The following HPSE2 variants were observed in gnomAD, a reference collection of about 807,000 sequenced individuals.
The protein encoded by HPSE2 is inactive heparanase-2.
HPSE2 carries 38 observed loss-of-function variants against 60.5 expected under a neutral mutation model. The observed-to-expected ratio is 0.63, with a 90% CI of 0.48 to 0.82. The LOEUF (loss-of-function observed/expected upper bound fraction) is 0.82, where lower values mean the gene tolerates loss of function less well. Among genes scored for constraint, HPSE2 ranks in the 40% least tolerant of loss-of-function variants. HPSE2 has a pLI of 0.00. For synonymous variants in HPSE2, 295 were observed against 293.2 expected (o/e 1.01, Z -0.06); for missense variants, 713 against 740.4 (o/e 0.96, Z 0.43).
At chr10:99,059,501 G>C (rs968011304) in intron 3 of HPSE2, among the ~76,000 whole-genome samples, 9 of 151,936 alleles carry the variant, frequency 5.9e-5, no homozygotes, top group African/African-American at 1.9e-4. Flanking sequence ...GGTGATCATG[G>C]GCATTTTCAA....
chr10:98,603,394 G>A (rs1218243608), intron 9 of HPSE2, among the ~76,000 whole-genome samples: 1 of 151,756 alleles, frequency 6.6e-6, no homozygotes, highest in Non-Finnish European at 1.5e-5. Flanking sequence ...TAGGGGTAAG[G>A]GGAAAGGAAC....
At chr10:99,173,868 G>C (rs1284533830) in intron 2 of HPSE2, among the ~76,000 whole-genome samples, 1 of 149,180 alleles carries the variant, frequency 6.7e-6, no homozygotes, top group Non-Finnish European at 1.5e-5. Flanking sequence ...GCTTGAACTC[G>C]TGAGGCAGAG....
rs538986216 is a variant in HPSE2 at position 99,232,958 on chromosome 10, G to C, written c.291-453C>G. ...GCCAAAAACTTGTATGCTGAAAGCC[G>C]GCATTGCCTCCGCAGCCCCAGGGGC... is the stretch of plus-strand genomic sequence containing the variant. On this transcript the variant is annotated intron_variant, in intron 1 of 11. Transcript: ENST00000370552. Among the ~76,000 whole-genome samples, 153 of 152,384 alleles carry C rather than the reference G, an allele frequency of 1.0e-3. 1 individual carries two copies. Among genetic ancestry groups the C allele is most frequent in the African/African-American group, 3.6e-3 (150 of 41,598 alleles).
At chr10:99,159,193 A>G (rs566705214) in intron 2 of HPSE2, among the ~76,000 whole-genome samples, 1 of 152,304 alleles carries the variant, frequency 6.6e-6, no homozygotes, top group Admixed American at 6.5e-5. Flanking sequence ...AGAAAACAAA[A>G]AGATAAGTCA....
intron 9 of HPSE2, among the ~76,000 whole-genome samples, chr10:98,600,518 G>A (rs1039724946): frequency 1.4e-4 from 21 of 151,960 alleles, no homozygotes; most frequent in African/African-American, 5.1e-4. Context: ...TGTGTCTGAG[G>A]AGTATAGAGA....
chr10:98,530,722 A>G (rs1235270828), intron 9 of HPSE2, among the ~76,000 whole-genome samples: 4 of 152,198 alleles, frequency 2.6e-5, no homozygotes, highest in Non-Finnish European at 4.4e-5. Context: ...GTGTATACAC[A>G]GCATCCACAG....
chr10:99,215,025 T>G (rs1849072896), intron 2 of HPSE2, among the ~76,000 whole-genome samples: 2 of 152,134 alleles, frequency 1.3e-5, no homozygotes, highest in East Asian at 3.9e-4. Flanking sequence ...GGGAAGACAG[T>G]GCACCAATTC....
intron 2 of HPSE2, among the ~76,000 whole-genome samples, chr10:99,194,879 A>T (rs1848340457): frequency 6.6e-6 from 1 of 152,102 alleles, no homozygotes; most frequent in African/African-American, 2.4e-5. Context: ...AAGAACTTCC[A>T]AATTCATTCT....
chr10:99,171,734 T>G (rs1847317282), intron 2 of HPSE2, among the ~76,000 whole-genome samples: 1 of 152,186 alleles, frequency 6.6e-6, no homozygotes, highest in Non-Finnish European at 1.5e-5. Flanking sequence ...CAAAGACACT[T>G]GATACATCCT....
intron 3 of HPSE2, among the ~76,000 whole-genome samples, chr10:98,830,850 A>G (rs1400440137): frequency 6.6e-6 from 1 of 152,204 alleles, no homozygotes; most frequent in Non-Finnish European, 1.5e-5. Context: ...TCAATAATGG[A>G]GATGAAATTC....
Position 98,459,235 on chromosome 10 carries a change from G to C in HPSE2, c.*339C>G, listed in dbSNP as rs1940172534. The C allele has an allele frequency of 2.8e-6, 1 of 352,138 alleles. No homozygotes were observed. Among genetic ancestry groups the C allele is most frequent in the Non-Finnish European group, 5.5e-6 (1 of 182,338 alleles). The allele number at this position is 352,138 out of a possible 1,614,324, so 21.8% of individuals were successfully genotyped here. A position where few individuals can be genotyped will look rare whatever the true frequency, so the allele number is the denominator to read the frequency against. On this transcript the variant is annotated 3_prime_UTR_variant, in exon 12 of 12. Coordinates refer to ENST00000370552, the MANE Select transcript of HPSE2 (RefSeq NM_021828.5). ...TTTGTGGTTATAATGCTGTGTGACA[G>C]GATCATGGGGAGTTGTCTGGAAACA...
chr10:98,761,042 A>T (rs769905179), intron 3 of HPSE2, among the ~76,000 whole-genome samples: 9 of 152,096 alleles, frequency 5.9e-5, no homozygotes, highest in Non-Finnish European at 8.8e-5. Flanking sequence ...TAATCTTCAT[A>T]GGTTGTATGC....
chr10:98,884,554 A>G (rs1422076395), intron 3 of HPSE2, among the ~76,000 whole-genome samples: 1 of 152,108 alleles, frequency 6.6e-6, no homozygotes, highest in East Asian at 1.9e-4. Context: ...GTTCTCTAAG[A>G]TTTATGCAAA....
intron 3 of HPSE2, among the ~76,000 whole-genome samples, chr10:99,142,045 T>C (rs1011906637): frequency 2.0e-5 from 3 of 152,152 alleles, no homozygotes; most frequent in African/African-American, 4.8e-5. Flanking sequence ...GAGGCCCAGT[T>C]TCCTCATTGT....
At chr10:99,216,699 A>T (rs1849141923) in intron 2 of HPSE2, among the ~76,000 whole-genome samples, 1 of 152,248 alleles carries the variant, frequency 6.6e-6, no homozygotes. Context: ...CTATCAGGAC[A>T]AGACAATGTC....
rs547277818 is a variant in HPSE2, at chr10:98,832,618, G to A, written c.611-88562C>T. Among the ~76,000 whole-genome samples, 3 of 152,252 alleles carry A rather than the reference G, an allele frequency of 2.0e-5. No homozygotes were observed. The East Asian group carries it at 5.8e-4, about 29-fold the overall frequency. ...ATCTGCACCAGATTAGAGACAACTT[G>A]TGGTCAGGATCCACGTGGGAAAGGA... is the stretch of plus-strand genomic sequence containing the variant. On this transcript the variant is annotated intron_variant, in intron 3 of 11. Transcript: ENST00000370552.
chr10:98,770,782 T>C (rs1445630839), intron 3 of HPSE2, among the ~76,000 whole-genome samples: 1 of 152,082 alleles, frequency 6.6e-6, no homozygotes, highest in Admixed American at 6.6e-5. Context: ...GTAGACTCAA[T>C]CTACTGCAAG....
At chr10:98,990,295 C>T (rs6584229) in intron 3 of HPSE2, among the ~76,000 whole-genome samples, 115,806 of 152,158 alleles carry the variant, frequency 0.76, 44,419 homozygotes, top group East Asian at 0.86. Context: ...AGCACTAGCA[C>T]CACTGCCTCA....
chr10:99,185,575 C>T (rs567536922), intron 2 of HPSE2, among the ~76,000 whole-genome samples: 51 of 151,994 alleles, frequency 3.4e-4, no homozygotes, highest in African/African-American at 1.2e-3. Context: ...GAGATTGAGA[C>T]CATCCTGGAT....
Sources: gnomAD v4.1 joint callset for allele counts (sites outside exome capture counted in the v4.1 genomes callset) on GRCh38, gnomAD v4.1.1 for gene constraint, MANE v1.5 for transcripts, NCBI Gene and HGNC (gene_info 2026-07-23, HGNC 2026-07-21) for gene names.